MYO9A: variants seen among roughly 807,000 people sequenced by gnomAD.
The protein encoded by MYO9A is myosin IXA.
A neutral mutation model predicts 293.3 loss-of-function variants in MYO9A; 103 were observed. That is an observed-to-expected ratio of 0.35 (90% CI 0.30 to 0.41). The LOEUF (loss-of-function observed/expected upper bound fraction) is 0.41, where lower values mean the gene tolerates loss of function less well. Ranked by LOEUF, MYO9A falls within the 10% of genes least tolerant of loss-of-function variation. The pLI is 1.00. For synonymous variants in MYO9A, 1,001 were observed against 1,035.7 expected (o/e 0.97, Z 0.64); for missense variants, 2,685 against 3,033.0 (o/e 0.89, Z 2.69).
chr15:72,101,299 G>A lies in MYO9A; in HGVS notation c.-72+16381C>T, dbSNP rs1425066174. Among the ~76,000 whole-genome samples, 7 of 136,058 alleles carry A rather than the reference G, an allele frequency of 5.1e-5. No homozygotes were observed. The East Asian group carries it at 9.4e-4, about 18-fold the overall frequency. The allele number at this position is 136,058 out of a possible 152,430, so 89.3% of individuals were successfully genotyped here. On this transcript the variant is annotated intron_variant, in intron 1 of 41. Coordinates refer to ENST00000356056, the MANE Select transcript of MYO9A (RefSeq NM_006901.4). The stretch of plus-strand genomic sequence containing the variant: ...CCCGTCAGGGAGGGAGGTGGGTTCA[G>A]CCCCCCGCCAGGCCAGCCGCCCCGT...
In MYO9A at chr15:71,824,766, C is replaced by A. The variant is rs1191352602; in HGVS notation, c.*1814G>T. 1.3e-5 allele frequency: 2 copies of A among 152,142 alleles called. No individual in the cohort carries two copies. The highest frequency in any genetic ancestry group is 4.8e-5 in the African/African-American group (2 of 41,434). 9.4% of individuals were successfully genotyped at this position (152,142 alleles called of 1,614,324 possible). A position where few individuals can be genotyped will look rare whatever the true frequency, so the allele number is the denominator to read the frequency against. ...ATTATTCTGGAGATTTTAATGGCTTCCTTTCTCTGGCTCAATTCTGAACCC... is the reference window on the plus strand; with the variant it reads ...ATTATTCTGGAGATTTTAATGGCTTACTTTCTCTGGCTCAATTCTGAACCC... On this transcript the variant is annotated 3_prime_UTR_variant, in exon 42 of 42. Transcript: ENST00000356056.
At chr15:71,893,535 C>T in intron 26 of MYO9A, 144 bp downstream of exon 26, 1 of 679,154 alleles carries the variant, frequency 1.5e-6, no homozygotes, top group Non-Finnish European at 2.4e-6. Context: ...ATAATTATAA[C>T]AATCTCCGCT....
At position 71,893,895 on chromosome 15, in the gene MYO9A, CAATT is replaced by C. The variant is rs1211585148; in HGVS notation, c.5043-121_5043-118del. 10 of 773,294 alleles carry C rather than the reference CAATT, an allele frequency of 1.3e-5. No individual in the cohort carries two copies. The Admixed American group carries it at 2.2e-4, about 17-fold the overall frequency. 47.9% of individuals were successfully genotyped at this position (773,294 alleles called of 1,614,324 possible). A position where few individuals can be genotyped will look rare whatever the true frequency, so the allele number is the denominator to read the frequency against. ...TTCAGATCTTAGTCAATTCCCAAGA[CAATT>C]AAGTCATATTTTTTCTGCTTAGCTA... is the stretch of plus-strand genomic sequence containing the variant. On this transcript the variant is annotated intron_variant, in intron 25 of 41. Coordinates refer to ENST00000356056, the MANE Select transcript of MYO9A (RefSeq NM_006901.4).
At chr15:71,885,821 T>C (rs981687652) in intron 27 of MYO9A, among the ~76,000 whole-genome samples, 5 of 152,178 alleles carry the variant, frequency 3.3e-5, no homozygotes, top group South Asian at 2.1e-4. Flanking sequence ...CATTGGGTCA[T>C]TGGATCTCCT....
At chr15:72,063,453 G>C (rs2078931603) in intron 1 of MYO9A, among the ~76,000 whole-genome samples, 1 of 152,162 alleles carries the variant, frequency 6.6e-6, no homozygotes, top group South Asian at 2.1e-4. Flanking sequence ...TCAGCAAAGT[G>C]AACAGACAAC....
At position 71,956,037 on chromosome 15, in the gene MYO9A, C is replaced by T. The variant is rs1409305347; in HGVS notation, c.2182+3864G>A. Among the ~76,000 whole-genome samples, 4 of 149,954 alleles carry T rather than the reference C, an allele frequency of 2.7e-5. No homozygotes were observed. The East Asian group carries it at 5.9e-4, about 22-fold the overall frequency. ...ATAATGAGAACCAGGCATGGTGGCT[C>T]GCACCTGTAATCCCAGACACTCGGG... On this transcript the variant is annotated intron_variant, in intron 14 of 41. Coordinates refer to ENST00000356056, the MANE Select transcript of MYO9A (RefSeq NM_006901.4).
intron 39 of MYO9A, among the ~76,000 whole-genome samples, chr15:71,832,488 T>C (rs140476391): frequency 1.7e-3 from 258 of 152,276 alleles, no homozygotes; most frequent in East Asian, 9.4e-3. Flanking sequence ...AAAAAAGGAA[T>C]AACTATTAGA....
At chr15:71,834,218 T>G (rs1253795120) in intron 39 of MYO9A, among the ~76,000 whole-genome samples, 1 of 152,010 alleles carries the variant, frequency 6.6e-6, no homozygotes, top group African/African-American at 2.4e-5. Context: ...TCAATAAATA[T>G]AAAATTTTAG....
Position 71,887,861 on chromosome 15 carries a change from C to T in MYO9A, c.5255+143G>A, listed in dbSNP as rs531273841. 62 of 478,890 alleles carry T rather than the reference C, an allele frequency of 1.3e-4. No individual in the cohort carries two copies. In the South Asian group the frequency reaches 2.3e-3, roughly 18 times the overall value. The allele number at this position is 478,890 out of a possible 1,614,324, so 29.7% of individuals were successfully genotyped here. ...GTGCCTATAAACAGTAGGTACTTAC[C>T]ATTTCTTGAAAAATTGGTAAATAAG... is the stretch of plus-strand genomic sequence containing the variant. On this transcript the variant is annotated intron_variant, in intron 27 of 41. Transcript: ENST00000356056.
chr15:71,938,995 T>C lies in MYO9A; in HGVS notation c.2303-68A>G, dbSNP rs144433340. 5 of 1,279,486 alleles carry C rather than the reference T, an allele frequency of 3.9e-6. No homozygotes were observed. In the Admixed American group the frequency reaches 6.6e-5, roughly 17 times the overall value. The allele number at this position is 1,279,486 out of a possible 1,614,324, so 79.3% of individuals were successfully genotyped here. Reference sequence around the variant, plus strand: ...GAAAAATGAAACGTGAAATAGTTTTTCTAAAGACAAACGAAAATTTAATCA... The same window carrying C: ...GAAAAATGAAACGTGAAATAGTTTTCCTAAAGACAAACGAAAATTTAATCA... On this transcript the variant is annotated intron_variant, in intron 15 of 41. Transcript: ENST00000356056.
chr15:72,071,031 C>T (rs1596506899), intron 1 of MYO9A, among the ~76,000 whole-genome samples: 1 of 152,282 alleles, frequency 6.6e-6, no homozygotes, highest in East Asian at 1.9e-4. Context: ...AAAGAAACTG[C>T]AATAAAACCA....
chr15:72,101,882 G>A (rs1251280760), intron 1 of MYO9A, among the ~76,000 whole-genome samples: 3 of 151,668 alleles, frequency 2.0e-5, no homozygotes, highest in Non-Finnish European at 2.9e-5. Context: ...GTCAGCCCCC[G>A]ACCGGCCAGC....
intron 13 of MYO9A, chr15:71,960,523 T>G (rs1480506479): frequency 6.1e-6 from 1 of 163,252 alleles, no homozygotes; most frequent in Non-Finnish European, 1.3e-5. Context: ...TTAAATCTCT[T>G]TTCTTTATAA....
chr15:72,050,833 G>A (rs765892496), intron 1 of MYO9A, among the ~76,000 whole-genome samples: 22 of 152,144 alleles, frequency 1.4e-4, no homozygotes, highest in Admixed American at 1.4e-3. Context: ...ATGCTCCGGA[G>A]AAGTCACAAA....
chr15:72,016,369 G>A (rs1228571624), intron 6 of MYO9A, among the ~76,000 whole-genome samples: 1 of 152,138 alleles, frequency 6.6e-6, no homozygotes, highest in Non-Finnish European at 1.5e-5. Context: ...CAACACTGCT[G>A]TTTGTGCTTA....
intron 18 of MYO9A, among the ~76,000 whole-genome samples, chr15:71,930,225 C>T (rs1043880762): frequency 9.2e-5 from 14 of 152,144 alleles, no homozygotes; most frequent in African/African-American, 3.4e-4. Context: ...ATTTGGTCCA[C>T]TGTTTTCTTC....
At chr15:71,844,615 T>C (rs571196370) in intron 39 of MYO9A, among the ~76,000 whole-genome samples, 1 of 152,286 alleles carries the variant, frequency 6.6e-6, no homozygotes, top group Non-Finnish European at 1.5e-5. Context: ...TGGAAACAAA[T>C]AGAAGATACT....
At chr15:72,097,872 T>G (rs1246661953) in intron 1 of MYO9A, among the ~76,000 whole-genome samples, 3 of 152,000 alleles carry the variant, frequency 2.0e-5, no homozygotes, top group African/African-American at 7.2e-5. Flanking sequence ...ATCACACCAC[T>G]TCACTCCAGC....
intron 6 of MYO9A, among the ~76,000 whole-genome samples, chr15:72,017,560 T>C (rs1171455657): frequency 6.6e-6 from 1 of 152,210 alleles, no homozygotes; most frequent in African/African-American, 2.4e-5. Context: ...TAAATTTATA[T>C]GTCAAGTGTT....
Sources: gnomAD v4.1 joint callset for allele counts (sites outside exome capture counted in the v4.1 genomes callset) on GRCh38, gnomAD v4.1.1 for gene constraint, MANE v1.5 for transcripts, NCBI Gene and HGNC (gene_info 2026-07-23, HGNC 2026-07-21) for gene names.